Variants in DOP1A observed in about 807,000 individuals in gnomAD.
DOP1A encodes the protein protein DOP1A.
Under a neutral mutation model 267.6 loss-of-function variants are expected in DOP1A, and 90 were observed. The observed-to-expected ratio is 0.34, with a 90% CI of 0.28 to 0.40. The LOEUF (loss-of-function observed/expected upper bound fraction) is 0.40. Ranked by LOEUF, DOP1A falls within the 10% of genes least tolerant of loss-of-function variation. The pLI, the probability that DOP1A is intolerant of heterozygous loss-of-function variation, is 1.00. For synonymous variants in DOP1A, 932 were observed against 999.1 expected (o/e 0.93, Z 1.27); for missense variants, 2,437 against 2,900.4 (o/e 0.84, Z 3.67).
At chr6:83,158,740 A>G (rs1783448273) in intron 36 of DOP1A, 118 bp downstream of exon 36, 1 of 724,304 alleles carries the variant, frequency 1.4e-6, no homozygotes, top group Non-Finnish European at 2.2e-6. Flanking sequence ...ATTATTATCT[A>G]ATTGATTACG....
chr6:83,113,260 A>G (rs1450467738), intron 6 of DOP1A, 63 bp from the exon 7 acceptor site: 1 of 1,343,682 alleles, frequency 7.4e-7, no homozygotes, highest in East Asian at 2.3e-5. Context: ...GAGTTGTCAC[A>G]TTTTCGTGGC....
intron 3 of DOP1A, among the ~76,000 whole-genome samples, chr6:83,100,161 G>T (rs1772302784): frequency 6.6e-6 from 1 of 152,082 alleles, no homozygotes; most frequent in Non-Finnish European, 1.5e-5. Context: ...GTTTTGTCCA[G>T]TTAGAAAAAT....
chr6:83,082,465 C>G (rs1390567087), intron 1 of DOP1A, among the ~76,000 whole-genome samples: 3 of 152,062 alleles, frequency 2.0e-5, no homozygotes, highest in African/African-American at 4.8e-5. Flanking sequence ...AAAAGTATAT[C>G]CCATAGAAGT....
rs1776220500 is a variant in DOP1A, at chr6:83,120,707, A to G, written c.1015A>G (p.Asn339Asp). Residue 339 changes from asparagine to aspartate, a missense_variant, in exon 10 of 39, where the codon AAT becomes GAT. This residue lies in a region of DOP1A where 498 missense variants were observed against 513.5 expected (regional missense o/e 0.97). Coordinates refer to ENST00000349129, the MANE Select transcript of DOP1A (RefSeq NM_015018.4). ...GGCAATGGTGGGAATCTTACAAGTG[A>G]ATGGATTTGGAGAAGAGAACACTCT... The part of the protein sequence containing the change: ...VQAMVGILQV[N>D]GFGEENTLMQ... 1 of 1,584,182 alleles carries G rather than the reference A, an allele frequency of 6.3e-7. No homozygotes were observed. Among genetic ancestry groups the G allele is most frequent in the South Asian group, 1.1e-5 (1 of 87,596 alleles).
intron 7 of DOP1A, among the ~76,000 whole-genome samples, chr6:83,115,680 G>A (rs985092626): frequency 4.6e-5 from 7 of 152,240 alleles, no homozygotes; most frequent in Admixed American, 3.9e-4. Context: ...GCAAGTGATC[G>A]TGCCACTGCA....
intron 33 of DOP1A, among the ~76,000 whole-genome samples, chr6:83,155,209 C>CCTAG (rs1782533432): frequency 6.6e-6 from 1 of 151,798 alleles, no homozygotes; most frequent in Non-Finnish European, 1.5e-5. Flanking sequence ...CGCCTGTAAT[C>CCTAG]CTAGCACTTT....
intron 17 of DOP1A, 95 bp downstream of exon 17, chr6:83,130,492 TA>T (rs1777845799): frequency 1.4e-6 from 2 of 1,448,616 alleles, no homozygotes; most frequent in East Asian, 2.3e-5. Flanking sequence ...TAAATGTTAA[TA>T]AAGCTTCATT....
intron 31 of DOP1A, 78 bp from the exon 32 acceptor site, chr6:83,153,816 A>G (rs1176039038): frequency 1.4e-6 from 2 of 1,439,784 alleles, no homozygotes; most frequent in Non-Finnish European, 1.9e-6. Flanking sequence ...TCTTAGGTAA[A>G]TGTGAACATT....
intron 15 of DOP1A, among the ~76,000 whole-genome samples, chr6:83,126,462 G>C (rs1477819929): frequency 1.3e-5 from 2 of 152,084 alleles, no homozygotes; most frequent in Non-Finnish European, 2.9e-5. Context: ...GCTAGTTGCT[G>C]GCTATCCAGT....
At chr6:83,152,088 C>T in intron 29 of DOP1A, 61 bp downstream of exon 29, 1 of 1,592,188 alleles carries the variant, frequency 6.3e-7, no homozygotes, top group Non-Finnish European at 8.6e-7. Flanking sequence ...ACTAAGAAAT[C>T]ATTTTGCCTA....
In DOP1A at chr6:83,129,011, A is replaced by G. The variant is rs771968888; in HGVS notation, c.1844A>G (p.Asp615Gly). Reference protein sequence around the residue: ...FIQYQADRTDDIDRELSEGQG... With the variant: ...FIQYQADRTDGIDRELSEGQG... ...CAATATCAAGCAGACCGAACTGATG[A>G]TATTGACAGAGAACTGAGTGAGGGC... Residue 615 changes from aspartate to glycine, a missense_variant, in exon 16 of 39, where the codon GAT (aspartate) becomes GGT (glycine). Asp to Gly is a moderately conservative substitution (Grantham distance 94, BLOSUM62 -1). Coordinates refer to ENST00000349129, the MANE Select transcript of DOP1A (RefSeq NM_015018.4). The G allele has an allele frequency of 6.2e-7, 1 of 1,613,654 alleles. No homozygotes were observed. Among genetic ancestry groups the G allele is most frequent in the Non-Finnish European group, 8.5e-7 (1 of 1,179,784 alleles).
chr6:83,085,572 A>C (rs542024580), intron 1 of DOP1A, among the ~76,000 whole-genome samples: 1 of 152,338 alleles, frequency 6.6e-6, no homozygotes, highest in South Asian at 2.1e-4. Flanking sequence ...TAGCAAGAAC[A>C]AAATGCCTAG....
chr6:83,100,684 C>T, intron 3 of DOP1A, 21 bp from the exon 4 acceptor site: 2 of 1,427,936 alleles, frequency 1.4e-6, no homozygotes, highest in Non-Finnish European at 1.8e-6. Context: ...TTCTCAACTA[C>T]ATTAAAATGC....
At chr6:83,114,191 A>G (rs1033823736) in intron 7 of DOP1A, among the ~76,000 whole-genome samples, 1 of 152,020 alleles carries the variant, frequency 6.6e-6, no homozygotes, top group South Asian at 2.1e-4. Flanking sequence ...TTATTTTATT[A>G]ACATTTTTCT....
At position 83,162,833 on chromosome 6, in the gene DOP1A, T is replaced by A. The variant is rs748389636; in HGVS notation, c.7006T>A (p.Leu2336Met). Residue 2336 changes from leucine to methionine, a missense_variant, in exon 38 of 39, where the codon TTG becomes ATG. By Grantham distance (15) the Leu-to-Met change is conservative. Transcript: ENST00000349129. ...FIPEASDDSG[L>M]EVRRQGIHQR... Reference sequence around the variant, plus strand: ...TCCAGAAGCCTCAGATGATTCAGGTTTGGAAGTCAGAAGGCAGGGTATACA... The same window carrying A: ...TCCAGAAGCCTCAGATGATTCAGGTATGGAAGTCAGAAGGCAGGGTATACA... The A allele has an allele frequency of 6.2e-7, 1 of 1,613,662 alleles. No individual in the cohort carries two copies. Among genetic ancestry groups the A allele is most frequent in the South Asian group, 1.1e-5 (1 of 91,034 alleles).
rs929969161 is a variant in DOP1A, at chr6:83,118,861, G to T, written c.781-27G>T. 23 of 1,602,302 alleles carry T rather than the reference G, an allele frequency of 1.4e-5. No homozygotes were observed. In the Admixed American group the frequency reaches 3.0e-4, roughly 21 times the overall value. On this transcript the variant is annotated intron_variant, in intron 7 of 38. Transcript: ENST00000349129. ...AATAATATATATTGTATATTGCTAA[G>T]TACAACCATATTCCTAACTCTTTCA...
intron 1 of DOP1A, among the ~76,000 whole-genome samples, chr6:83,093,119 A>G (rs1770771691): frequency 6.6e-6 from 1 of 152,210 alleles, no homozygotes; most frequent in South Asian, 2.1e-4. Flanking sequence ...AAAATAAACT[A>G]TCTTATTTTG....
At chr6:83,122,319 G>C (rs1214710812) in intron 11 of DOP1A, among the ~76,000 whole-genome samples, 4 of 151,838 alleles carry the variant, frequency 2.6e-5, no homozygotes, top group Non-Finnish European at 5.9e-5. Flanking sequence ...AAATAACAAA[G>C]TTCTTTTTCC....
chr6:83,122,997 C>G lies in DOP1A; in HGVS notation c.1340+15C>G, dbSNP rs939311286. 2 of 1,573,202 alleles carry G rather than the reference C, an allele frequency of 1.3e-6. No homozygotes were observed. Among genetic ancestry groups the G allele is most frequent in the South Asian group, 1.2e-5 (1 of 82,262 alleles). On this transcript the variant is annotated intron_variant, in intron 12 of 38. Coordinates refer to ENST00000349129, the MANE Select transcript of DOP1A (RefSeq NM_015018.4). ...GAATGTTGTAGGTATGTTAAACTTTCATTCCTTTTAATTTCGTAACATCTA... is the reference window on the plus strand; with the variant it reads ...GAATGTTGTAGGTATGTTAAACTTTGATTCCTTTTAATTTCGTAACATCTA...
Sources: allele counts gnomAD v4.1 joint callset (sites outside exome capture counted in the v4.1 genomes callset), GRCh38; gene constraint gnomAD v4.1.1; regional missense constraint gnomAD v4.1.1; transcripts MANE v1.5; gene names NCBI Gene and HGNC (gene_info 2026-07-23, HGNC 2026-07-21).